HYKK: variants seen among roughly 807,000 people sequenced by gnomAD.
HYKK encodes the protein 5-hydroxy-L-lysine kinase.
In HYKK, 19 loss-of-function variants were observed where a neutral mutation model predicts 29.7. The observed-to-expected ratio is 0.64, with a 90% CI of 0.45 to 0.94. The LOEUF (loss-of-function observed/expected upper bound fraction) is 0.94. Ranked by LOEUF, HYKK falls within the 40% of genes least tolerant of loss-of-function variation. The pLI, the probability that HYKK is intolerant of heterozygous loss-of-function variation, is 0.00. For synonymous variants in HYKK, 152 were observed against 158.1 expected, an observed-to-expected ratio of 0.96 and a Z score of 0.29; for missense variants, 390 against 443.4, an observed-to-expected ratio of 0.88 and a Z score of 1.08.
At chr15:78,518,575 C>T (rs577801686) in intron 3 of HYKK, 1 of 455,732 alleles carries the variant, frequency 2.2e-6, no homozygotes, top group African/African-American at 2.0e-5. Flanking sequence ...ACTGTTTTTG[C>T]TTTTTCTGGC....
chr15:78,513,042 A>C (rs1348106665), intron 1 of HYKK, 42 bp from the exon 2 acceptor site: 1 of 1,008,946 alleles, frequency 9.9e-7, no homozygotes, highest in Non-Finnish European at 1.5e-6. Flanking sequence ...AAATATATTC[A>C]TCCTGTGTCC....
At chr15:78,519,954 T>A (rs2052175126) in intron 3 of HYKK, among the ~76,000 whole-genome samples, 1 of 152,204 alleles carries the variant, frequency 6.6e-6, no homozygotes, top group African/African-American at 2.4e-5. Flanking sequence ...CCACTGAACT[T>A]TCAACTTTTC....
chr15:78,513,537 GTTA>G lies in HYKK; in HGVS notation c.337+118_337+120del, dbSNP rs2052097510. On this transcript the variant is annotated intron_variant, in intron 2 of 4. Coordinates refer to ENST00000388988, the MANE Select transcript of HYKK (RefSeq NM_001013619.4). ...CATAATTCCAAGTGTAGATGTGGTT[GTTA>G]TTATTTTTTAGCACCTCAATAGTAC... 1.1e-5 allele frequency: 9 copies of G among 786,576 alleles called. No individual in the cohort carries two copies. In the East Asian group the frequency reaches 2.0e-4, roughly 18 times the overall value. The allele number at this position is 786,576 out of a possible 1,614,324, so 48.7% of individuals were successfully genotyped here.
At chr15:78,528,286 T>A in intron 4 of HYKK, 1 of 251,530 alleles carries the variant, frequency 4.0e-6, no homozygotes, top group Non-Finnish European at 6.3e-6. Context: ...GAGAATCTAA[T>A]GCCTGATGAT....
intron 4 of HYKK, among the ~76,000 whole-genome samples, chr15:78,531,168 G>A (rs1048860085): frequency 6.6e-6 from 1 of 152,080 alleles, no homozygotes; most frequent in Non-Finnish European, 1.5e-5. Context: ...CGGCCCTCCA[G>A]TTTGAATCTT....
chr15:78,518,668 A>G lies in HYKK; in HGVS notation c.477+3561A>G, dbSNP rs750438487. On this transcript the variant is annotated intron_variant, in intron 3 of 4. Transcript: ENST00000388988. The stretch of plus-strand genomic sequence containing the variant: ...CGCAGTAGCTTACGCCTATAATCCC[A>G]GCACTTTGGGAGGCCGAGGCAGGTG... 23 of 442,496 alleles carry G rather than the reference A, an allele frequency of 5.2e-5. 1 individual carries two copies. The highest frequency in any genetic ancestry group is 3.6e-4 in the South Asian group (23 of 63,158). The allele number at this position is 442,496 out of a possible 1,614,324, so 27.4% of individuals were successfully genotyped here. A position where few individuals can be genotyped will look rare whatever the true frequency, so the allele number is the denominator to read the frequency against.
intron 3 of HYKK, among the ~76,000 whole-genome samples, chr15:78,525,559 G>A (rs939837824): frequency 3.3e-5 from 5 of 151,498 alleles, no homozygotes; most frequent in Middle Eastern, 3.4e-3. Flanking sequence ...GTGCAGTGGC[G>A]CGATCTCAGC....
rs144877685 is a variant in HYKK, at chr15:78,526,276, A to C, written c.478-1104A>C. On this transcript the variant is annotated intron_variant, in intron 3 of 4. Coordinates refer to ENST00000388988, the MANE Select transcript of HYKK (RefSeq NM_001013619.4). ...GGATACAGGAGTGAACAAAACAGACAAAAAACAGCCCTATCCCTCATGGAG... is the reference window on the plus strand; with the variant it reads ...GGATACAGGAGTGAACAAAACAGACCAAAAACAGCCCTATCCCTCATGGAG... Among the ~76,000 whole-genome samples the C allele has an allele frequency of 1.6e-3, 243 of 152,248 alleles. 1 individual carries two copies. Among genetic ancestry groups the C allele is most frequent in the African/African-American group, 5.5e-3 (230 of 41,588 alleles).
At chr15:78,522,135 T>TA (rs1306479667) in intron 3 of HYKK, among the ~76,000 whole-genome samples, 1 of 152,032 alleles carries the variant, frequency 6.6e-6, no homozygotes, top group African/African-American at 2.4e-5. Context: ...AAAATAAAAA[T>TA]AATAAATATG....
chr15:78,529,674 A>G (rs186392093), intron 4 of HYKK, among the ~76,000 whole-genome samples: 125 of 152,336 alleles, frequency 8.2e-4, no homozygotes, highest in African/African-American at 2.7e-3. Context: ...AGAAGTGCCA[A>G]ATCAAGTCTT....
In HYKK at chr15:78,514,904, CTCTCTA is replaced by C. The variant is rs1272275070; in HGVS notation, c.338-62_338-57del. Reference sequence around the variant, plus strand: ...TATCTAAATACCTCTCTCTCTCTCTCTCTCTATATATATATATATATATAAATAATT... The same window carrying C: ...TATCTAAATACCTCTCTCTCTCTCTCTATATATATATATATATAAATAATT... On this transcript the variant is annotated intron_variant, in intron 2 of 4. Coordinates refer to ENST00000388988, the MANE Select transcript of HYKK (RefSeq NM_001013619.4). The C allele has an allele frequency of 2.6e-5, 13 of 499,310 alleles. No individual in the cohort carries two copies. The East Asian group carries it at 6.2e-4, about 24-fold the overall frequency. 30.9% of individuals were successfully genotyped at this position (499,310 alleles called of 1,614,324 possible). A position where few individuals can be genotyped will look rare whatever the true frequency, so the allele number is the denominator to read the frequency against.
chr15:78,532,660 T>C (rs1214791696), intron 4 of HYKK, among the ~76,000 whole-genome samples: 2 of 151,942 alleles, frequency 1.3e-5, no homozygotes, highest in Non-Finnish European at 2.9e-5. Flanking sequence ...CTGGGTGTGG[T>C]GGTGGCGCAC....
intron 1 of HYKK, among the ~76,000 whole-genome samples, chr15:78,512,613 G>C (rs1002806577): frequency 6.6e-6 from 1 of 151,502 alleles, no homozygotes; most frequent in Admixed American, 6.6e-5. Flanking sequence ...TGTTGGCCAG[G>C]CTGGTCTCAA....
At chr15:78,512,462 T>G (rs75201393) in intron 1 of HYKK, among the ~76,000 whole-genome samples, 2,252 of 147,044 alleles carry the variant, frequency 0.015, 68 homozygotes, top group East Asian at 0.065. Context: ...AGTGTAGTGG[T>G]GCGATCTTGG....
rs71148531 is a variant in HYKK at position 78,508,880 on chromosome 15, C to CAA, written c.-6+1228_-6+1229dup. On this transcript the variant is annotated intron_variant, in intron 1 of 4. Coordinates refer to ENST00000388988, the MANE Select transcript of HYKK (RefSeq NM_001013619.4). ...GCAACATAGTGGGACCCTCTCTCTCCAAAAAAAAAAAAAAAAAAAAGGCCA... is the reference window on the plus strand; with the variant it reads ...GCAACATAGTGGGACCCTCTCTCTCCAAAAAAAAAAAAAAAAAAAAAAGGCCA... Among the ~76,000 whole-genome samples, 340 of 55,530 alleles carry CAA rather than the reference C, an allele frequency of 6.1e-3. 8 individuals carry two copies. Among genetic ancestry groups the CAA allele is most frequent in the South Asian group, 0.013 (13 of 968 alleles). 36.4% of individuals were successfully genotyped at this position (55,530 alleles called of 152,430 possible).
intron 3 of HYKK, among the ~76,000 whole-genome samples, chr15:78,519,769 C>A (rs1596030306): frequency 6.6e-6 from 1 of 152,032 alleles, no homozygotes; most frequent in African/African-American, 2.4e-5. Context: ...TCAAAAAAAA[C>A]AAAAACAAAA....
intron 3 of HYKK, among the ~76,000 whole-genome samples, chr15:78,519,677 C>T (rs973617618): frequency 6.6e-6 from 1 of 152,160 alleles, no homozygotes; most frequent in African/African-American, 2.4e-5. Context: ...AAGAGAATCA[C>T]TTGAACCCGG....
At chr15:78,514,563 G>T (rs1279622434) in intron 2 of HYKK, among the ~76,000 whole-genome samples, 1 of 152,170 alleles carries the variant, frequency 6.6e-6, no homozygotes. Flanking sequence ...GATTCTGGAA[G>T]TCATTTATTT....
intron 4 of HYKK, among the ~76,000 whole-genome samples, chr15:78,532,216 A>T (rs1404094019): frequency 2.6e-5 from 4 of 152,204 alleles, no homozygotes; most frequent in Admixed American, 6.5e-5. Flanking sequence ...CGTACAGTTC[A>T]TGCCACATGC....
Sources: allele counts gnomAD v4.1 joint callset (sites outside exome capture counted in the v4.1 genomes callset), GRCh38; gene constraint gnomAD v4.1.1; transcripts MANE v1.5; gene names NCBI Gene and HGNC (gene_info 2026-07-23, HGNC 2026-07-21).